Variants in CBLN2 observed in about 807,000 individuals in gnomAD.
The protein encoded by CBLN2 is cerebellin-2.
CBLN2 carries 7 observed loss-of-function variants against 15.0 expected under a neutral mutation model. The observed-to-expected ratio is 0.47, with a 90% confidence interval of 0.27 to 0.88. The LOEUF is 0.88. Ranked by LOEUF, CBLN2 falls within the 40% of genes least tolerant of loss-of-function variation. The pLI is 0.14. For missense variants in CBLN2, 242 were observed against 304.5 expected (o/e 0.79, Z 1.53); for synonymous variants, 149 against 135.2 (o/e 1.10, Z -0.71).
Position 72,538,087 on chromosome 18 carries a change from G to A in CBLN2, c.*89C>T, listed in dbSNP as rs1274471128. Reference sequence around the variant, plus strand: ...CAGTCTGACGGAGGTTGGAAACAAGGTGTCCAATTCCAGTAAGTTCAGGGT... The same window carrying A: ...CAGTCTGACGGAGGTTGGAAACAAGATGTCCAATTCCAGTAAGTTCAGGGT... On this transcript the variant is annotated 3_prime_UTR_variant, in exon 5 of 5. Coordinates refer to ENST00000269503, the MANE Select transcript of CBLN2 (RefSeq NM_182511.4). 3.9e-6 allele frequency: 5 copies of A among 1,282,764 alleles called. No individual in the cohort carries two copies. The highest frequency in any genetic ancestry group is 5.6e-6 in the Non-Finnish European group (5 of 889,298). 79.5% of individuals were successfully genotyped at this position (1,282,764 alleles called of 1,614,324 possible). A position where few individuals can be genotyped will look rare whatever the true frequency, so the allele number is the denominator to read the frequency against.
At chr18:72,613,913 A>G (rs191433552) in intron 1 of CBLN2, among the ~76,000 whole-genome samples, 2 of 152,240 alleles carry the variant, frequency 1.3e-5, no homozygotes, top group East Asian at 3.9e-4. Flanking sequence ...GGTATATGCA[A>G]TTTGTATTCA....
At position 72,543,253 on chromosome 18, in the gene CBLN2, A is replaced by G. The variant is rs1471673734; in HGVS notation, c.-167+233T>C. On this transcript the variant is annotated intron_variant, in intron 2 of 4. Transcript: ENST00000269503. The surrounding 1 kb of genome is among the most constrained non-coding windows in gnomAD (Gnocchi z 6.8). ...TCAATACCAGCCCAGAGACACGCAG[A>G]GAAGCCGCCCCCTCGCCGCCCACAG... 9 of 358,074 alleles carry G rather than the reference A, an allele frequency of 2.5e-5. No homozygotes were observed. The highest frequency in any genetic ancestry group is 4.5e-5 in the Non-Finnish European group (9 of 200,862). The allele number at this position is 358,074 out of a possible 1,614,324, so 22.2% of individuals were successfully genotyped here.
chr18:72,631,841 A>G (rs2069778958), intron 1 of CBLN2, among the ~76,000 whole-genome samples: 1 of 152,146 alleles, frequency 6.6e-6, no homozygotes, highest in African/African-American at 2.4e-5. Flanking sequence ...GGCACTACAC[A>G]ATGTAGCAGG....
chr18:72,558,158 T>C (rs752870369), intron 1 of CBLN2, among the ~76,000 whole-genome samples: 11 of 152,176 alleles, frequency 7.2e-5, no homozygotes, highest in Non-Finnish European at 1.3e-4. Context: ...CCATGTGACT[T>C]AGTGTGGCAC....
intron 1 of CBLN2, among the ~76,000 whole-genome samples, chr18:72,580,986 A>T (rs972891130): frequency 6.6e-6 from 1 of 152,132 alleles, no homozygotes; most frequent in Admixed American, 6.5e-5. Context: ...CCAGTTTGAG[A>T]ACCCTCCCAC....
chr18:72,625,004 G>A (rs1056841210), intron 1 of CBLN2, among the ~76,000 whole-genome samples: 1 of 152,056 alleles, frequency 6.6e-6, no homozygotes, highest in Non-Finnish European at 1.5e-5. Context: ...AAACAAAATT[G>A]TTTTCCCAAC....
chr18:72,541,118 G>C (rs1326175950), intron 3 of CBLN2, among the ~76,000 whole-genome samples: 1 of 152,162 alleles, frequency 6.6e-6, no homozygotes, highest in Non-Finnish European at 1.5e-5. Context: ...GTGGCTTAAG[G>C]TGACGTAAGT....
intron 1 of CBLN2, among the ~76,000 whole-genome samples, chr18:72,637,595 G>C (rs1411024270): frequency 6.6e-6 from 1 of 152,310 alleles, no homozygotes; most frequent in Non-Finnish European, 1.5e-5. Context: ...GTGGCTCTGT[G>C]AGCCCCCGAG....
At chr18:72,637,056 C>G (rs769485724) in intron 1 of CBLN2, among the ~76,000 whole-genome samples, 1 of 128,978 alleles carries the variant, frequency 7.8e-6, no homozygotes, top group Non-Finnish European at 1.7e-5. Context: ...AAAAAAAAAA[C>G]CCAGTTGCAA....
At chr18:72,597,831 C>T (rs1244716479) in intron 1 of CBLN2, among the ~76,000 whole-genome samples, 1 of 152,186 alleles carries the variant, frequency 6.6e-6, no homozygotes, top group Non-Finnish European at 1.5e-5. Flanking sequence ...ACTGCCCAGG[C>T]CCACAGCAAG....
At chr18:72,570,733 A>C (rs1382121184) in intron 1 of CBLN2, among the ~76,000 whole-genome samples, 1 of 152,188 alleles carries the variant, frequency 6.6e-6, no homozygotes, top group East Asian at 1.9e-4. Flanking sequence ...AACTCATGAC[A>C]CAAAGTAAAC....
intron 1 of CBLN2, among the ~76,000 whole-genome samples, chr18:72,627,708 T>G (rs1332798617): frequency 6.6e-6 from 1 of 152,254 alleles, no homozygotes; most frequent in African/African-American, 2.4e-5. Flanking sequence ...TTTTGAATGG[T>G]GATTGCACAT....
chr18:72,616,434 G>A (rs1209586483), intron 1 of CBLN2, among the ~76,000 whole-genome samples: 2 of 152,254 alleles, frequency 1.3e-5, no homozygotes, highest in Middle Eastern at 3.4e-3. Flanking sequence ...CTCTGTCCAG[G>A]TCTGGAGGCT....
chr18:72,593,863 G>C (rs1372865503), intron 1 of CBLN2, among the ~76,000 whole-genome samples: 1 of 152,134 alleles, frequency 6.6e-6, no homozygotes, highest in Non-Finnish European at 1.5e-5. Context: ...GTTCACAACA[G>C]CAAAGACTTG....
chr18:72,614,398 T>C (rs530579382), intron 1 of CBLN2, among the ~76,000 whole-genome samples: 3 of 152,294 alleles, frequency 2.0e-5, no homozygotes, highest in African/African-American at 4.8e-5. Context: ...CAGGTAATAA[T>C]GTTATTAATT....
At chr18:72,553,687 G>A (rs652413) in intron 1 of CBLN2, among the ~76,000 whole-genome samples, 145,514 of 152,202 alleles carry the variant, frequency 0.96, 69,871 homozygotes, top group Non-Finnish European at 1. Flanking sequence ...TGGTTGATAC[G>A]CAATCTAACC....
chr18:72,620,983 A>T (rs2069697051), intron 1 of CBLN2, among the ~76,000 whole-genome samples: 1 of 152,196 alleles, frequency 6.6e-6, no homozygotes, highest in Non-Finnish European at 1.5e-5. Flanking sequence ...ATTAGAAGAG[A>T]TCCTGAGCTT....
rs571955202 is a variant in CBLN2 at position 72,542,161 on chromosome 18, C to T, written c.-1G>A. The T allele has an allele frequency of 8.2e-5, 106 of 1,296,848 alleles. No homozygotes were observed. In the African/African-American group the frequency reaches 1.5e-3, roughly 19 times the overall value. 80.3% of individuals were successfully genotyped at this position (1,296,848 alleles called of 1,614,324 possible). Reference sequence around the variant, plus strand: ...GTGGCCCCCGGCCGGGCGCCTGCATCGGGACTGGTGGGAGGCGGCGCGCGG... The same window carrying T: ...GTGGCCCCCGGCCGGGCGCCTGCATTGGGACTGGTGGGAGGCGGCGCGCGG... On this transcript the variant is annotated 5_prime_UTR_variant, in exon 3 of 5. Transcript: ENST00000269503.
At chr18:72,625,734 TTGTCC>T (rs1447268429) in intron 1 of CBLN2, among the ~76,000 whole-genome samples, 10 of 129,574 alleles carry the variant, frequency 7.7e-5, no homozygotes, top group African/African-American at 2.8e-4. Context: ...ATACACACTC[TTGTCC>T]GTTAGACCAA....
Sources: gnomAD v4.1 joint callset for allele counts (sites outside exome capture counted in the v4.1 genomes callset) on GRCh38, gnomAD v4.1.1 for gene constraint, Gnocchi (gnomAD v3.1) non-coding constraint, MANE v1.5 for transcripts, NCBI Gene and HGNC (gene_info 2026-07-23, HGNC 2026-07-21) for gene names.